The following PLAG1 variants were observed in gnomAD, a reference collection of about 807,000 sequenced individuals.
PLAG1 encodes PLAG1 zinc finger, also known as zinc finger protein PLAG1.
PLAG1 carries 7 observed loss-of-function variants against 35.5 expected under a neutral mutation model. The observed-to-expected ratio is 0.20, with a 90% CI of 0.11 to 0.37. The LOEUF (loss-of-function observed/expected upper bound fraction) is 0.37. PLAG1 is among the 10% of genes least tolerant of loss of function. The pLI, the probability that PLAG1 is intolerant of heterozygous loss-of-function variation, is 1.00. For missense variants in PLAG1, 454 were observed against 602.8 expected (o/e 0.75, Z 2.58); for synonymous variants, 229 against 225.4 (o/e 1.02, Z -0.14).
chr8:56,201,132 G>C (rs1585824935), intron 1 of PLAG1, among the ~76,000 whole-genome samples: 1 of 152,274 alleles, frequency 6.6e-6, no homozygotes, highest in South Asian at 2.1e-4. Flanking sequence ...TAGTAATTGG[G>C]ACAATACCAT....
rs1811194265 is a variant in PLAG1, at chr8:56,161,379, C to T, written c.*4864G>A. The T allele has an allele frequency of 1.4e-5, 3 of 216,688 alleles. No homozygotes were observed. 13.4% of individuals were successfully genotyped at this position (216,688 alleles called of 1,614,324 possible). ...CATTTTTAGAGTACTAGTCCAAACACTTTTTCATTAGCTAAAAATACAATT... is the reference window on the plus strand; with the variant it reads ...CATTTTTAGAGTACTAGTCCAAACATTTTTTCATTAGCTAAAAATACAATT... On this transcript the variant is annotated 3_prime_UTR_variant, in exon 5 of 5. Transcript: ENST00000316981.
At chr8:56,180,348 G>A (rs922394915) in intron 1 of PLAG1, among the ~76,000 whole-genome samples, 1 of 152,194 alleles carries the variant, frequency 6.6e-6, no homozygotes, top group Non-Finnish European at 1.5e-5. Context: ...CACCTATTAT[G>A]TATGGTTCCA....
intron 1 of PLAG1, among the ~76,000 whole-genome samples, chr8:56,197,966 A>G (rs1812433702): frequency 6.6e-6 from 1 of 152,108 alleles, no homozygotes; most frequent in African/African-American, 2.4e-5. Flanking sequence ...ACAATTAACA[A>G]GGGGCTGGGT....
chr8:56,208,668 A>C (rs1812766249), intron 1 of PLAG1, among the ~76,000 whole-genome samples: 1 of 152,228 alleles, frequency 6.6e-6, no homozygotes, highest in Non-Finnish European at 1.5e-5. Flanking sequence ...CAGAAACTCC[A>C]TATACCTGTG....
rs1308809507 is a variant in PLAG1, at chr8:56,162,969, G to C, written c.*3274C>G. On this transcript the variant is annotated 3_prime_UTR_variant, in exon 5 of 5. Coordinates refer to ENST00000316981, the MANE Select transcript of PLAG1 (RefSeq NM_002655.3). ...TGCATAATCAGCCAGGACAATTGAA[G>C]TTTTAAAAAACTGAACTTGGTAATA... 1 of 211,984 alleles carries C rather than the reference G, an allele frequency of 4.7e-6. No individual in the cohort carries two copies. The highest frequency in any genetic ancestry group is 9.6e-6 in the Non-Finnish European group (1 of 104,482). 13.1% of individuals were successfully genotyped at this position (211,984 alleles called of 1,614,324 possible).
intron 1 of PLAG1, among the ~76,000 whole-genome samples, chr8:56,182,049 T>C (rs1177152493): frequency 2.0e-5 from 3 of 152,226 alleles, no homozygotes; most frequent in Non-Finnish European, 4.4e-5. Context: ...GTGTAATTTA[T>C]ACATGCTGTA....
At chr8:56,199,208 A>C (rs905093889) in intron 1 of PLAG1, among the ~76,000 whole-genome samples, 1 of 152,224 alleles carries the variant, frequency 6.6e-6, no homozygotes, top group South Asian at 2.1e-4. Flanking sequence ...CCACCCAAAC[A>C]AAGTGCAAAG....
chr8:56,204,708 AGG>A (rs1812650077), intron 1 of PLAG1, among the ~76,000 whole-genome samples: 1 of 151,948 alleles, frequency 6.6e-6, no homozygotes, highest in African/African-American at 2.4e-5. Context: ...ACAAAAAGAT[AGG>A]AAATCACAAT....
intron 1 of PLAG1, among the ~76,000 whole-genome samples, chr8:56,197,210 A>T (rs531079639): frequency 9.8e-4 from 149 of 151,662 alleles, no homozygotes; most frequent in Non-Finnish European, 1.6e-3. Context: ...TCTCTCCCCA[A>T]ATCCTGGTGG....
chr8:56,206,044 A>G (rs1812692027), intron 1 of PLAG1, among the ~76,000 whole-genome samples: 1 of 152,008 alleles, frequency 6.6e-6, no homozygotes, highest in Non-Finnish European at 1.5e-5. Context: ...TTTCTGTTTT[A>G]TAAAATTTTT....
chr8:56,166,689 T>A lies in PLAG1; in HGVS notation c.1057A>T (p.Lys353Ter). The A allele has an allele frequency of 6.2e-7, 1 of 1,614,018 alleles. No individual in the cohort carries two copies. Among genetic ancestry groups the A allele is most frequent in the Non-Finnish European group, 8.5e-7 (1 of 1,179,948 alleles). Residue 353 changes from lysine to a stop codon, truncating the protein, a stop_gained, in exon 5 of 5, where the codon AAG (lysine) becomes TAG (stop). Transcript: ENST00000316981. LOFTEE classifies it high-confidence loss of function. ...ISIPEKEQPL[K>*]GEIESYLMEL... ...ATCAGGTAACTCTCAATTTCCCCCT[T>A]TAATGGCTGTTCTTTTTCAGGAATA...
chr8:56,199,754 G>C (rs545098076), intron 1 of PLAG1, among the ~76,000 whole-genome samples: 3 of 152,250 alleles, frequency 2.0e-5, no homozygotes, highest in Non-Finnish European at 4.4e-5. Context: ...CCCTACAGGA[G>C]GGCTGGGCAT....
chr8:56,195,438 C>T (rs967354667), intron 1 of PLAG1, among the ~76,000 whole-genome samples: 5 of 152,200 alleles, frequency 3.3e-5, no homozygotes. Context: ...AGTCACTTCC[C>T]AGTTCACGGG....
At chr8:56,179,025 A>C (rs1585792119) in intron 2 of PLAG1, among the ~76,000 whole-genome samples, 1 of 109,732 alleles carries the variant, frequency 9.1e-6, no homozygotes, top group East Asian at 2.3e-4. Flanking sequence ...CCAGGAGACA[A>C]AAAAAAAAAA....
In PLAG1 at chr8:56,168,234, T is replaced by C; in HGVS notation, c.36A>G (p.Val12=). ...CTGAAGGGACTTTCTGGGTATCTCT[T>C]ACTTCTGACAAATCACCAGGAATGA... The part of the protein sequence containing the change: ...ATVIPGDLSE[V]RDTQKVPSGK... Residue 12 remains valine, a synonymous_variant, in exon 4 of 5, where the codon GTA becomes GTG. Transcript: ENST00000316981. 3 of 1,613,582 alleles carry C rather than the reference T, an allele frequency of 1.9e-6. No homozygotes were observed. Among genetic ancestry groups the C allele is most frequent in the Non-Finnish European group, 2.5e-6 (3 of 1,179,660 alleles).
Position 56,179,455 on chromosome 8 carries a change from C to G in PLAG1, c.-263G>C. ...TAGCAAGGCAACCTTATTAATAGAC[C>G]GTCACAGAATGAAGCATTCTGGGTG... On this transcript the variant is annotated 5_prime_UTR_variant, in exon 2 of 5. Coordinates refer to ENST00000316981, the MANE Select transcript of PLAG1 (RefSeq NM_002655.3). 2.0e-6 allele frequency: 2 copies of G among 978,864 alleles called. No homozygotes were observed. Among genetic ancestry groups the G allele is most frequent in the Non-Finnish European group, 2.4e-6 (2 of 823,666 alleles). 60.6% of individuals were successfully genotyped at this position (978,864 alleles called of 1,614,324 possible). A position where few individuals can be genotyped will look rare whatever the true frequency, so the allele number is the denominator to read the frequency against.
chr8:56,173,794 CAGA>C (rs1232328853), intron 2 of PLAG1, among the ~76,000 whole-genome samples: 1 of 152,042 alleles, frequency 6.6e-6, no homozygotes, highest in Non-Finnish European at 1.5e-5. Context: ...ACTTTGCATA[CAGA>C]AACAATAGAG....
chr8:56,167,263 G>A lies in PLAG1; in HGVS notation c.483C>T (p.Ser161=). The change falls in exon 5 of 5, where the codon AGC becomes AGT. Residue 161 remains serine (S), a synonymous_variant. Coordinates refer to ENST00000316981, the MANE Select transcript of PLAG1 (RefSeq NM_002655.3). This position sits in a 1 kb window ranked among gnomAD's most constrained non-coding sequence, Gnocchi z 5.9. ...TCKVCLQTFE[S]TGVLLEHLKS... ...TAAGGTGCTCCAGAAGCACTCCCGT[G>A]CTTTCAAAAGTTTGCAAACATACCT... is the stretch of plus-strand genomic sequence containing the variant. 1 of 1,614,054 alleles carries A rather than the reference G, an allele frequency of 6.2e-7. No homozygotes were observed. The highest frequency in any genetic ancestry group is 8.5e-7 in the Non-Finnish European group (1 of 1,179,996).
intron 2 of PLAG1, 172 bp from the exon 3 acceptor site, chr8:56,171,361 C>T (rs1811517358): frequency 6.6e-6 from 1 of 152,276 alleles, no homozygotes; most frequent in South Asian, 2.1e-4. Flanking sequence ...GGTCTAAGCA[C>T]ATTTACGTGA....
Sources: gnomAD v4.1 joint callset for allele counts (sites outside exome capture counted in the v4.1 genomes callset) on GRCh38, gnomAD v4.1.1 for gene constraint, Gnocchi (gnomAD v3.1) non-coding constraint, MANE v1.5 for transcripts, NCBI Gene and HGNC (gene_info 2026-07-23, HGNC 2026-07-21) for gene names.